The following ZNF480 variants were observed in gnomAD, a reference collection of about 807,000 sequenced individuals.
ZNF480 encodes zinc finger protein 480.
Under a neutral mutation model 14.4 loss-of-function variants are expected in ZNF480, and 15 were observed. The observed-to-expected ratio is 1.04, with a 90% CI of 0.70 to 1.60. The LOEUF (loss-of-function observed/expected upper bound fraction) is 1.60, where lower values mean the gene tolerates loss of function less well. ZNF480 is among the 40% of genes most tolerant of loss of function. The pLI is 0.00. For missense variants in ZNF480, 593 were observed against 629.7 expected (o/e 0.94, Z 0.62); for synonymous variants, 218 against 215.5 (o/e 1.01, Z -0.10).
rs542050712 is a variant in ZNF480, at chr19:52,310,946, A to G, written c.73-3207A>G. On this transcript the variant is annotated intron_variant, in intron 2 of 4. Transcript: ENST00000595962. Reference sequence around the variant, plus strand: ...CGTGAACCCGGGAGGCAGAGCTTACAGTGAGCCAAGATCACGCCACTGGAC... The same window carrying G: ...CGTGAACCCGGGAGGCAGAGCTTACGGTGAGCCAAGATCACGCCACTGGAC... Among the ~76,000 whole-genome samples, 5 of 148,640 alleles carry G rather than the reference A, an allele frequency of 3.4e-5. No individual in the cohort carries two copies. The East Asian group carries it at 1.0e-3, about 30-fold the overall frequency.
At chr19:52,314,305 C>T (rs377047793) in intron 3 of ZNF480, 26 bp downstream of exon 3, 127 of 1,489,540 alleles carry the variant, frequency 8.5e-5, no homozygotes, top group Admixed American at 2.5e-4. Flanking sequence ...CTGCAGAAGC[C>T]GGGATCTGCC....
intron 2 of ZNF480, among the ~76,000 whole-genome samples, chr19:52,312,860 G>A (rs1983355638): frequency 6.6e-6 from 1 of 151,792 alleles, no homozygotes. Context: ...TCACTCTGTA[G>A]CCCAGGCTGT....
chr19:52,310,795 T>TCA, intron 2 of ZNF480, among the ~76,000 whole-genome samples: 1 of 151,580 alleles, frequency 6.6e-6, no homozygotes, highest in Non-Finnish European at 1.5e-5. Context: ...GGTCAGGAGA[T>TCA]CGAGACCATC....
Position 52,322,195 on chromosome 19 carries a change from C to T in ZNF480, c.945C>T (p.Tyr315=), listed in dbSNP as rs1480331674. The T allele has an allele frequency of 6.2e-7, 1 of 1,614,052 alleles. No individual in the cohort carries two copies. ...HQRIHAEEKP[Y]KCNECGKGFS... The stretch of plus-strand genomic sequence containing the variant: ...GAATTCATGCTGAAGAGAAACCTTA[C>T]AAATGTAATGAATGTGGTAAAGGCT... The change falls in exon 5 of 5, where the codon TAC becomes TAT. Residue 315 remains tyrosine (Y), a synonymous_variant. Coordinates refer to ENST00000595962, the MANE Select transcript of ZNF480 (RefSeq NM_144684.4).
chr19:52,309,680 G>A (rs1555798283), intron 2 of ZNF480, among the ~76,000 whole-genome samples: 1 of 152,210 alleles, frequency 6.6e-6, no homozygotes, highest in Non-Finnish European at 1.5e-5. Flanking sequence ...TGGTGGGCGT[G>A]TGTCACATTT....
intron 2 of ZNF480, among the ~76,000 whole-genome samples, chr19:52,311,145 G>T (rs1452988750): frequency 1.3e-5 from 2 of 151,274 alleles, no homozygotes; most frequent in Admixed American, 6.6e-5. Flanking sequence ...AACCCCATTG[G>T]GCTTTTGTAA....
chr19:52,320,395 G>A (rs919522255), intron 4 of ZNF480, among the ~76,000 whole-genome samples: 4 of 152,098 alleles, frequency 2.6e-5, no homozygotes, highest in African/African-American at 7.2e-5. Flanking sequence ...CCTCATGCCT[G>A]TAATCCCAAC....
In ZNF480 at chr19:52,322,338, A is replaced by C. The variant is rs756879675; in HGVS notation, c.1088A>C (p.Lys363Thr). The C allele has an allele frequency of 1.2e-6, 2 of 1,611,288 alleles. No homozygotes were observed. The highest frequency in any genetic ancestry group is 1.7e-6 in the Non-Finnish European group (2 of 1,179,244). ...ATTGCGCTCCTTGTACGACATCAGAAAATTCATACTGGAGAGAAACCTTAC... is the reference window on the plus strand; with the variant it reads ...ATTGCGCTCCTTGTACGACATCAGACAATTCATACTGGAGAGAAACCTTAC... ...YRIALLVRHQ[K>T]IHTGEKPYKC... The change falls in exon 5 of 5, where the codon AAA becomes ACA. Residue 363 changes from lysine (K) to threonine (T), a missense_variant. Coordinates refer to ENST00000595962, the MANE Select transcript of ZNF480 (RefSeq NM_144684.4).
At chr19:52,314,887 G>T (rs895901048) in intron 3 of ZNF480, among the ~76,000 whole-genome samples, 2 of 152,106 alleles carry the variant, frequency 1.3e-5, no homozygotes, top group Non-Finnish European at 2.9e-5. Flanking sequence ...TTCTGGAGTT[G>T]AAATGTCCTT....
intron 1 of ZNF480, 44 bp from the exon 2 acceptor site, chr19:52,300,350 G>A (rs751547479): frequency 1.9e-6 from 3 of 1,594,406 alleles, no homozygotes; most frequent in Non-Finnish European, 8.6e-7. Flanking sequence ...CAGGAAAAGG[G>A]TGTGTTGATT....
intron 3 of ZNF480, among the ~76,000 whole-genome samples, 194 bp downstream of exon 3, chr19:52,314,473 C>CAAAAAAA (rs34349660): frequency 7.6e-5 from 5 of 66,206 alleles, no homozygotes; most frequent in African/African-American, 1.9e-4. Context: ...AACTCCGTCC[C>CAAAAAAA]AAAAAAAAAA....
At chr19:52,300,268 ACT>A in intron 1 of ZNF480, 124 bp from the exon 2 acceptor site, 1 of 985,646 alleles carries the variant, frequency 1.0e-6, no homozygotes, top group Non-Finnish European at 1.5e-6. Flanking sequence ...CTCTGCATCA[ACT>A]CTGGTGCAGT....
At position 52,323,019 on chromosome 19, in the gene ZNF480, G is replaced by T; in HGVS notation, c.*161G>T. ...ATAACTCATTAGAGAATTTATACTG[G>T]AGAGACTTCACAATTATAATAAATG... On this transcript the variant is annotated 3_prime_UTR_variant, in exon 5 of 5. Transcript: ENST00000595962. 1.9e-6 allele frequency: 1 copy of T among 528,796 alleles called. No homozygotes were observed. The highest frequency in any genetic ancestry group is 1.9e-5 in the African/African-American group (1 of 51,806). The allele number at this position is 528,796 out of a possible 1,614,324, so 32.8% of individuals were successfully genotyped here.
chr19:52,300,496 T>C lies in ZNF480; in HGVS notation c.72+12T>C. On this transcript the variant is annotated intron_variant, in intron 2 of 4. Transcript: ENST00000595962. ...TGGCTCTTCCTCAGGTGAGATGATA[T>C]TCTCGGTGGATTGTTCTGTCTCCTT... The C allele has an allele frequency of 6.2e-6, 10 of 1,609,984 alleles. No individual in the cohort carries two copies. The highest frequency in any genetic ancestry group is 7.6e-6 in the Non-Finnish European group (9 of 1,179,716).
intron 2 of ZNF480, chr19:52,307,668 A>G (rs1471807721): frequency 3.2e-5 from 1 of 31,046 alleles, no homozygotes; most frequent in African/African-American, 7.8e-5. Context: ...CAAGCCAGTG[A>G]TAAGCATTGT....
chr19:52,316,060 GT>G, intron 4 of ZNF480, 98 bp downstream of exon 4: 1 of 1,315,472 alleles, frequency 7.6e-7, no homozygotes, highest in South Asian at 2.2e-5. Flanking sequence ...TTGTATTTTT[GT>G]TTGTTTTGTT....
intron 2 of ZNF480, among the ~76,000 whole-genome samples, chr19:52,310,609 A>G (rs995704486): frequency 6.6e-5 from 10 of 151,888 alleles, no homozygotes. Flanking sequence ...ACTGCTGATT[A>G]TCATGTTTCA....
In ZNF480 at chr19:52,324,156, C is replaced by T. The variant is rs1442315954; in HGVS notation, c.*1298C>T. 4 of 151,994 alleles carry T rather than the reference C, an allele frequency of 2.6e-5. No homozygotes were observed. Among genetic ancestry groups the T allele is most frequent in the Admixed American group, 6.6e-5 (1 of 15,236 alleles). 9.4% of individuals were successfully genotyped at this position (151,994 alleles called of 1,614,324 possible). On this transcript the variant is annotated 3_prime_UTR_variant, in exon 5 of 5. Transcript: ENST00000595962. ...TTGCATTTCTATACACCAGTAATGT[C>T]CAAGCTATGAACCAAATCAAGAATG...
intron 3 of ZNF480, 75 bp from the exon 4 acceptor site, chr19:52,315,759 C>G: frequency 1.3e-6 from 2 of 1,507,592 alleles, no homozygotes. Flanking sequence ...TTGTGATATC[C>G]TGTCTCCTTC....
Sources: allele counts gnomAD v4.1 joint callset (sites outside exome capture counted in the v4.1 genomes callset), GRCh38; gene constraint gnomAD v4.1.1; transcripts MANE v1.5; gene names NCBI Gene and HGNC (gene_info 2026-07-23, HGNC 2026-07-21).